RNF17: variants seen among roughly 807,000 people sequenced by gnomAD.
The protein encoded by RNF17 is spermatogenesis associated 23.
Under a neutral mutation model 200.5 loss-of-function variants are expected in RNF17, and 31 were observed. The ratio of observed to expected loss-of-function variants is 0.15; its 90% CI spans 0.12 to 0.21. The LOEUF (loss-of-function observed/expected upper bound fraction) is 0.21, where lower values mean the gene tolerates loss of function less well. RNF17 is among the 10% of genes least tolerant of loss of function. The pLI is 1.00. For synonymous variants in RNF17, 606 were observed against 637.8 expected (o/e 0.95, Z 0.75); for missense variants, 1,628 against 1,905.1 (o/e 0.85, Z 2.71).
chr13:24,844,852 T>A (rs763635575), intron 21 of RNF17, 50 bp downstream of exon 21: 1 of 1,585,380 alleles, frequency 6.3e-7, no homozygotes, highest in Non-Finnish European at 8.6e-7. Flanking sequence ...GAATGCATTT[T>A]GTATTTTTTT....
chr13:24,801,267 C>CT (rs968537202), intron 13 of RNF17, among the ~76,000 whole-genome samples: 2 of 152,106 alleles, frequency 1.3e-5, no homozygotes, highest in African/African-American at 2.4e-5. Context: ...AAGCTATTCT[C>CT]TTTTTTTGTT....
intron 25 of RNF17, among the ~76,000 whole-genome samples, chr13:24,857,340 C>CAT (rs3039550): frequency 0.23 from 35,046 of 152,008 alleles, 4,511 homozygotes; most frequent in Non-Finnish European, 0.29. Context: ...GACAATGACA[C>CAT]GTGGTTGGCA....
chr13:24,812,021 T>C (rs1886708855), intron 15 of RNF17, among the ~76,000 whole-genome samples: 1 of 152,066 alleles, frequency 6.6e-6, no homozygotes, highest in African/African-American at 2.4e-5. Flanking sequence ...AGCTGCGTGC[T>C]GGGAGAACCA....
chr13:24,821,733 C>G (rs1888077363), intron 15 of RNF17, among the ~76,000 whole-genome samples: 1 of 152,160 alleles, frequency 6.6e-6, no homozygotes, highest in Non-Finnish European at 1.5e-5. Flanking sequence ...ATTCATACAT[C>G]ATTTTCCGAA....
intron 13 of RNF17, among the ~76,000 whole-genome samples, chr13:24,801,474 C>T (rs1051730920): frequency 1.3e-5 from 2 of 152,194 alleles, no homozygotes; most frequent in South Asian, 4.1e-4. Context: ...GAGACCCTGT[C>T]TACCAAAAAT....
At position 24,864,921 on chromosome 13, in the gene RNF17, G is replaced by T; in HGVS notation, c.4024G>T (p.Asp1342Tyr). The change falls in exon 29 of 36, where the codon GAT (aspartate) becomes TAT (tyrosine). Residue 1342 changes from aspartate (D) to tyrosine (Y), a missense_variant. This residue lies in a region of RNF17 where 609 missense variants were observed against 681.9 expected (regional missense o/e 0.89). Transcript: ENST00000255324. Reference protein sequence around the residue: ...WEKLSIHLYFDGMSLSYFMAY... With the variant: ...WEKLSIHLYFYGMSLSYFMAY... ...GAAATTGTCTATTCACCTCTATTTTGATGGAATGTCACTTTCTTATTTTAT... is the reference window on the plus strand; with the variant it reads ...GAAATTGTCTATTCACCTCTATTTTTATGGAATGTCACTTTCTTATTTTAT... 6.4e-7 allele frequency: 1 copy of T among 1,564,082 alleles called. No individual in the cohort carries two copies. The highest frequency in any genetic ancestry group is 1.2e-5 in the South Asian group (1 of 86,362).
intron 15 of RNF17, among the ~76,000 whole-genome samples, chr13:24,804,927 A>G (rs1885667232): frequency 6.6e-6 from 1 of 152,052 alleles, no homozygotes; most frequent in South Asian, 2.1e-4. Context: ...GGCCCTTAAG[A>G]CTTTAAGGGA....
At chr13:24,839,666 A>G (rs754684183) in intron 18 of RNF17, among the ~76,000 whole-genome samples, 3 of 152,218 alleles carry the variant, frequency 2.0e-5, no homozygotes, top group Admixed American at 1.3e-4. Context: ...TGCTGGGATA[A>G]TTGGTTAGCC....
At chr13:24,830,694 C>T (rs952308943) in intron 17 of RNF17, 95 bp downstream of exon 17, 1 of 881,544 alleles carries the variant, frequency 1.1e-6, no homozygotes. Flanking sequence ...GTTAGTGTCC[C>T]TTTTTGTCTA....
chr13:24,821,292 T>C, intron 15 of RNF17, among the ~76,000 whole-genome samples: 1 of 152,196 alleles, frequency 6.6e-6, no homozygotes, highest in Admixed American at 6.5e-5. Context: ...GTATCGAAAT[T>C]AGGTCATATT....
chr13:24,821,016 T>C (rs1389162565), intron 15 of RNF17, among the ~76,000 whole-genome samples: 1 of 152,110 alleles, frequency 6.6e-6, no homozygotes, highest in African/African-American at 2.4e-5. Context: ...AAGTATGAGA[T>C]CAGTTTGTCA....
At chr13:24,755,706 GTGT>G in the RNF17 span, among the ~76,000 whole-genome samples, 1 of 152,126 alleles carries the variant, frequency 6.6e-6, no homozygotes, top group Non-Finnish European at 1.5e-5. Flanking sequence ...TTTGGACAAG[GTGT>G]TCTATTAATT....
chr13:24,774,892 T>G lies in RNF17; in HGVS notation c.305T>G (p.Leu102Arg). 6.2e-7 allele frequency: 1 copy of G among 1,600,438 alleles called. No individual in the cohort carries two copies. The highest frequency in any genetic ancestry group is 8.6e-7 in the Non-Finnish European group (1 of 1,167,870). Residue 102 changes from leucine to arginine, a missense_variant, in exon 3 of 36, where the codon CTG (leucine) becomes CGG (arginine). Leu to Arg is a moderately radical substitution (Grantham distance 102). Coordinates refer to ENST00000255324, the MANE Select transcript of RNF17 (RefSeq NM_031277.3). Reference sequence around the variant, plus strand: ...AAGGAAGACTCCATAATGGAAAAACTGCAGCCTAAGACGTATGTTCCATGT... The same window carrying G: ...AAGGAAGACTCCATAATGGAAAAACGGCAGCCTAAGACGTATGTTCCATGT... The part of the protein sequence containing the change: ...YIKEDSIMEK[L>R]QPKTIKNCSQ...
chr13:24,750,775 C>A, the RNF17 span: 2 of 152,062 alleles, frequency 1.3e-5, no homozygotes, highest in East Asian at 3.9e-4. Context: ...TTCTAGCAGA[C>A]CTTCTTTTTC....
chr13:24,779,642 G>A, intron 4 of RNF17, 25 bp from the exon 5 acceptor site: 1 of 1,556,112 alleles, frequency 6.4e-7, no homozygotes, highest in Non-Finnish European at 8.9e-7. Flanking sequence ...TTTTATATTT[G>A]TATGTGATTT....
intron 15 of RNF17, among the ~76,000 whole-genome samples, chr13:24,811,926 TG>T (rs1217761279): frequency 6.6e-6 from 1 of 152,042 alleles, no homozygotes; most frequent in Non-Finnish European, 1.5e-5. Context: ...CTACCCCTGC[TG>T]GGGGGTGCCT....
chr13:24,762,230 C>T (rs761488968), upstream of RNF17, among the ~76,000 whole-genome samples: 16 of 151,932 alleles, frequency 1.1e-4, no homozygotes, highest in Admixed American at 5.2e-4. Flanking sequence ...ATCAGCTGGG[C>T]GTGGTGGCAT....
intron 32 of RNF17, among the ~76,000 whole-genome samples, chr13:24,871,958 CTTTTTTTTTTT>C (rs60797153): frequency 7.0e-5 from 5 of 71,766 alleles, no homozygotes; most frequent in Admixed American, 1.8e-4. Flanking sequence ...TTATTGATGA[CTTTTTTTTTTT>C]TTTTTTTTTT....
intron 5 of RNF17, among the ~76,000 whole-genome samples, chr13:24,780,810 A>AGACGGAG (rs1248153371): frequency 1.3e-5 from 2 of 152,092 alleles, no homozygotes; most frequent in African/African-American, 2.4e-5. Context: ...TGAACCCGGG[A>AGACGGAG]GACGGAGGTT....
Sources: allele counts gnomAD v4.1 joint callset (sites outside exome capture counted in the v4.1 genomes callset), GRCh38; gene constraint gnomAD v4.1.1; regional missense constraint gnomAD v4.1.1; transcripts MANE v1.5; gene names NCBI Gene and HGNC (gene_info 2026-07-23, HGNC 2026-07-21).